AP4E1: variants seen among roughly 807,000 people sequenced by gnomAD.
AP4E1 encodes the protein adaptor related protein complex 4 subunit epsilon 1.
In AP4E1, 56 loss-of-function variants were observed where a neutral mutation model predicts 128.2. The ratio of observed to expected loss-of-function variants is 0.44; its 90% CI spans 0.35 to 0.55. AP4E1 has a LOEUF of 0.55. Ranked by LOEUF, AP4E1 falls within the 20% of genes least tolerant of loss-of-function variation. The probability of loss-of-function intolerance (pLI) is 0.00; values close to 1 mark genes in which losing one functional copy is unlikely to be tolerated. For synonymous variants in AP4E1, 484 were observed against 473.1 expected (o/e 1.02, Z -0.30); for missense variants, 1,324 against 1,307.7 (o/e 1.01, Z -0.19).
chr15:50,958,643 C>G lies in AP4E1; in HGVS notation c.1700C>G (p.Ser567Cys), dbSNP rs1035341892. ...AVTKLTSQAH[S>C]SNTVERLIHE... ...ACCAAATTGACATCTCAGGCGCACT[C>G]TTCTAATACAGTTGAGAGATTAATC... is the stretch of plus-strand genomic sequence containing the variant. Residue 567 changes from serine to cysteine, a missense_variant, in exon 14 of 21, where the codon TCT becomes TGT. Physicochemically the swap from Ser to Cys is moderately radical, Grantham distance 112 (BLOSUM62 -1). Coordinates refer to ENST00000261842, the MANE Select transcript of AP4E1 (RefSeq NM_007347.5). 11 of 1,614,038 alleles carry G rather than the reference C, an allele frequency of 6.8e-6. No individual in the cohort carries two copies. Among genetic ancestry groups the G allele is most frequent in the Non-Finnish European group, 9.3e-6 (11 of 1,180,026 alleles).
rs76369792 is a variant in AP4E1 at position 50,967,555 on chromosome 15, A to G, written c.1852-708A>G. Among the ~76,000 whole-genome samples, 16 of 152,302 alleles carry G rather than the reference A, an allele frequency of 1.1e-4. No homozygotes were observed. In the East Asian group the frequency reaches 3.1e-3, roughly 29 times the overall value. The stretch of plus-strand genomic sequence containing the variant: ...TTGATTTTAGCCCCCTGCAGCAGGA[A>G]ACCAATACAGTTACCATATCTTGTA... On this transcript the variant is annotated intron_variant, in intron 14 of 20. Coordinates refer to ENST00000261842, the MANE Select transcript of AP4E1 (RefSeq NM_007347.5).
rs757033210 is a variant in AP4E1, at chr15:50,934,708, T to C, written c.943+11T>C. On this transcript the variant is annotated intron_variant, in intron 8 of 20. Coordinates refer to ENST00000261842, the MANE Select transcript of AP4E1 (RefSeq NM_007347.5). ...ACAATGTCACATATGGTAGGTAATA[T>C]ATGTAAATATTACTCTAATGACTAA... 9 of 1,548,446 alleles carry C rather than the reference T, an allele frequency of 5.8e-6. No homozygotes were observed. The highest frequency in any genetic ancestry group is 7.1e-6 in the Non-Finnish European group (8 of 1,120,962).
intron 14 of AP4E1, among the ~76,000 whole-genome samples, chr15:50,962,445 A>G (rs1243870028): frequency 6.6e-6 from 1 of 151,946 alleles, no homozygotes; most frequent in Non-Finnish European, 1.5e-5. Context: ...ACCCAGAAAA[A>G]CCGTGTATTT....
chr15:50,935,277 A>G (rs2063892660), intron 8 of AP4E1, among the ~76,000 whole-genome samples: 1 of 151,924 alleles, frequency 6.6e-6, no homozygotes, highest in African/African-American at 2.4e-5. Flanking sequence ...TTTCCTGAGA[A>G]AGAAATATTT....
At chr15:50,932,141 G>A (rs536132117) in intron 7 of AP4E1, among the ~76,000 whole-genome samples, 6 of 151,876 alleles carry the variant, frequency 4.0e-5, no homozygotes, top group African/African-American at 9.7e-5. Context: ...CACCATGCCC[G>A]GCTAATTTTT....
rs778511777 is a variant in AP4E1, at chr15:50,999,074, G to A, written c.2907G>A (p.Val969=). ...LEIFPAENFK[V]TEQPGCCLPV... ...ACTTTTATTACTTCTATTTGCAGGT[G>A]ACTGAGCAACCTGGATGCTGTTTGC... The change falls in exon 19 of 21, where the codon GTG becomes GTA. Residue 969 remains valine (V), a splice_region_variant and synonymous_variant. Coordinates refer to ENST00000261842, the MANE Select transcript of AP4E1 (RefSeq NM_007347.5). 21 of 1,613,826 alleles carry A rather than the reference G, an allele frequency of 1.3e-5. No homozygotes were observed. Among genetic ancestry groups the A allele is most frequent in the Non-Finnish European group, 1.8e-5 (21 of 1,179,930 alleles).
At position 50,923,996 on chromosome 15, in the gene AP4E1, G is replaced by A. The variant is rs1433602422; in HGVS notation, c.412G>A (p.Val138Ile). The A allele has an allele frequency of 6.2e-7, 1 of 1,605,476 alleles. No individual in the cohort carries two copies. The highest frequency in any genetic ancestry group is 8.5e-7 in the Non-Finnish European group (1 of 1,172,580). ...ATTATTGCTTCTCCTTGTGAATACA[G>A]TTGTAAAGGTATTGTATTGTATGTT... ...HELLLLLVNT[V>I]VKDLQSTNLV... Residue 138 changes from valine (V) to isoleucine (I), a missense_variant, in exon 4 of 21, where the codon GTT (valine) becomes ATT (isoleucine). Coordinates refer to ENST00000261842, the MANE Select transcript of AP4E1 (RefSeq NM_007347.5).
chr15:50,973,216 CT>C (rs1212517097), intron 15 of AP4E1, among the ~76,000 whole-genome samples: 1 of 151,936 alleles, frequency 6.6e-6, no homozygotes, highest in Non-Finnish European at 1.5e-5. Context: ...CCTATTTGTC[CT>C]TTAATGATTT....
intron 16 of AP4E1, 37 bp from the exon 17 acceptor site, chr15:50,993,333 A>G: frequency 5.6e-6 from 9 of 1,611,576 alleles, no homozygotes; most frequent in Non-Finnish European, 6.8e-6. Context: ...ATTAGCAGTT[A>G]TTTAAGTTGA....
chr15:51,005,347 TG>T lies in AP4E1; in HGVS notation c.*2690del. ...ATGGAGATGGCAGCAAGTGTGAATC[TG>T]GGGGAATATAAGGGAAGACAGAAAA... is the stretch of plus-strand genomic sequence containing the variant. On this transcript the variant is annotated 3_prime_UTR_variant, in exon 21 of 21. Transcript: ENST00000261842. The T allele has an allele frequency of 6.5e-6, 1 of 152,928 alleles. No individual in the cohort carries two copies. The highest frequency in any genetic ancestry group is 1.5e-5 in the Non-Finnish European group (1 of 68,212). 9.5% of individuals were successfully genotyped at this position (152,928 alleles called of 1,614,324 possible).
intron 10 of AP4E1, among the ~76,000 whole-genome samples, chr15:50,942,231 A>G (rs1248728787): frequency 1.3e-5 from 2 of 152,086 alleles, no homozygotes; most frequent in Admixed American, 6.6e-5. Context: ...TATTTTTACT[A>G]AAGTTTAAGT....
chr15:50,940,887 A>G lies in AP4E1; in HGVS notation c.944-555A>G, dbSNP rs2063976683. Among the ~76,000 whole-genome samples the G allele has an allele frequency of 4.6e-5, 7 of 152,194 alleles. No individual in the cohort carries two copies. In the South Asian group the frequency reaches 1.4e-3, roughly 31 times the overall value. On this transcript the variant is annotated intron_variant, in intron 8 of 20. Transcript: ENST00000261842. Reference sequence around the variant, plus strand: ...GAGGTTATTTTAAAGAATAGTTTGAAGATTTATGAGTAGGGACTGTATCTT... The same window carrying G: ...GAGGTTATTTTAAAGAATAGTTTGAGGATTTATGAGTAGGGACTGTATCTT...
chr15:50,983,163 T>G (rs1051807125), intron 15 of AP4E1, among the ~76,000 whole-genome samples: 3 of 152,184 alleles, frequency 2.0e-5, no homozygotes, highest in African/African-American at 7.2e-5. Flanking sequence ...GATGGCTTCA[T>G]GATTATTAAA....
chr15:50,953,822 C>G (rs2064182543), intron 13 of AP4E1, among the ~76,000 whole-genome samples: 1 of 152,018 alleles, frequency 6.6e-6, no homozygotes, highest in Non-Finnish European at 1.5e-5. Flanking sequence ...GAAATTGCCT[C>G]TGTGAAATGG....
chr15:50,983,923 T>C (rs1317629063), intron 15 of AP4E1, 99 bp from the exon 16 acceptor site: 1 of 1,224,336 alleles, frequency 8.2e-7, no homozygotes, highest in Non-Finnish European at 1.2e-6. Flanking sequence ...AAAATGGCTA[T>C]TAGTTCCAGG....
At chr15:50,920,800 A>G (rs2063692934) in intron 3 of AP4E1, among the ~76,000 whole-genome samples, 1 of 152,062 alleles carries the variant, frequency 6.6e-6, no homozygotes, top group African/African-American at 2.4e-5. Flanking sequence ...ATGTCTTTTT[A>G]TTTGTATCTT....
At chr15:50,985,708 C>T (rs2064712180) in intron 16 of AP4E1, among the ~76,000 whole-genome samples, 1 of 152,296 alleles carries the variant, frequency 6.6e-6, no homozygotes, top group South Asian at 2.1e-4. Context: ...GTTTTGGTTA[C>T]TGTAGTCTTG....
Position 51,004,032 on chromosome 15 carries a change from G to T in AP4E1, c.*1370G>T, listed in dbSNP as rs2064994042. The stretch of plus-strand genomic sequence containing the variant: ...ATTTTCTTTCTCAATTAATTTTTAA[G>T]TTATTCATTAAAAAATATATAACAT... On this transcript the variant is annotated 3_prime_UTR_variant, in exon 21 of 21. Transcript: ENST00000261842. 6.6e-6 allele frequency: 1 copy of T among 152,148 alleles called. No individual in the cohort carries two copies. The highest frequency in any genetic ancestry group is 1.5e-5 in the Non-Finnish European group (1 of 68,026). The allele number at this position is 152,148 out of a possible 1,614,324, so 9.4% of individuals were successfully genotyped here. A position where few individuals can be genotyped will look rare whatever the true frequency, so the allele number is the denominator to read the frequency against.
chr15:50,945,964 G>A (rs370714293), intron 10 of AP4E1: 41 of 1,293,686 alleles, frequency 3.2e-5, no homozygotes, highest in East Asian at 1.9e-4. Context: ...AATTGTGTCA[G>A]AGAAGAAGAA....
Sources: allele counts gnomAD v4.1 joint callset (sites outside exome capture counted in the v4.1 genomes callset), GRCh38; gene constraint gnomAD v4.1.1; transcripts MANE v1.5; gene names NCBI Gene and HGNC (gene_info 2026-07-23, HGNC 2026-07-21).